Variants in SIL1 observed in about 807,000 individuals in gnomAD.
SIL1 encodes the protein nucleotide exchange factor SIL1.
A neutral mutation model predicts 49.1 loss-of-function variants in SIL1; 40 were observed. That is an observed-to-expected ratio of 0.81 (90% CI 0.63 to 1.06). The LOEUF (loss-of-function observed/expected upper bound fraction) is 1.06. Ranked by LOEUF, SIL1 falls within the 50% of genes least tolerant of loss-of-function variation. The pLI, the probability that SIL1 is intolerant of heterozygous loss-of-function variation, is 0.00. For missense variants in SIL1, 500 were observed against 572.6 expected (o/e 0.87, Z 1.29); for synonymous variants, 253 against 250.8 (o/e 1.01, Z -0.08).
In SIL1 at chr5:138,947,119, A is replaced by G; in HGVS notation, c.1384T>C (p.Ter462ArgextTer?). 6.2e-7 allele frequency: 1 copy of G among 1,612,238 alleles called. No individual in the cohort carries two copies. Among genetic ancestry groups the G allele is most frequent in the Non-Finnish European group, 8.5e-7 (1 of 1,179,060 alleles). The change falls in exon 10 of 10, where the codon TGA (stop) becomes CGA (arginine). Residue 462 changes from the stop codon to arginine (R), a stop_lost. Transcript: ENST00000394817. This position sits in a 1 kb window ranked among gnomAD's most constrained non-coding sequence, Gnocchi z 4.1. ...SVNSLLKELR[*>R] is the part of the protein sequence containing the mutation. ...CAGTCCAGTCCTGGTGTGGGGCCTC[A>G]TCTCAGCTCCTTCAGCAAGCTGTTG...
At chr5:139,074,671 A>G (rs1769905497) in intron 3 of SIL1, among the ~76,000 whole-genome samples, 2 of 152,174 alleles carry the variant, frequency 1.3e-5, no homozygotes, top group African/African-American at 4.8e-5. Context: ...AGCCAGAGTG[A>G]AAGAGAATGT....
At chr5:139,171,076 T>TG (rs1253503666) in intron 1 of SIL1, among the ~76,000 whole-genome samples, 18 of 132,734 alleles carry the variant, frequency 1.4e-4, no homozygotes, top group East Asian at 9.4e-4. Flanking sequence ...GGGAGGGAGG[T>TG]GGGGGGGTCA....
chr5:139,124,987 G>A (rs1750725325), intron 2 of SIL1, among the ~76,000 whole-genome samples: 1 of 152,210 alleles, frequency 6.6e-6, no homozygotes, highest in South Asian at 2.1e-4. Flanking sequence ...CTAATAAGTT[G>A]TGCCCTGAGA....
intron 3 of SIL1, among the ~76,000 whole-genome samples, chr5:139,081,906 C>T (rs967209556): frequency 6.6e-6 from 1 of 150,972 alleles, no homozygotes; most frequent in Admixed American, 6.6e-5. Context: ...AAAACAAAAA[C>T]ACACTGAGAC....
intron 1 of SIL1, among the ~76,000 whole-genome samples, chr5:139,188,302 AC>A (rs1319943004): frequency 6.6e-6 from 1 of 152,230 alleles, no homozygotes; most frequent in Non-Finnish European, 1.5e-5. Context: ...AGGGGAAGCA[AC>A]AAAACTAGGT....
At chr5:138,975,200 G>C (rs1767369701) in intron 7 of SIL1, among the ~76,000 whole-genome samples, 2 of 152,152 alleles carry the variant, frequency 1.3e-5, no homozygotes, top group Admixed American at 6.5e-5. Flanking sequence ...AAGCCTATAG[G>C]AAGGGGCTGG....
At chr5:139,052,646 T>C (rs976729793) in intron 3 of SIL1, among the ~76,000 whole-genome samples, 1 of 151,982 alleles carries the variant, frequency 6.6e-6, no homozygotes, top group Non-Finnish European at 1.5e-5. Flanking sequence ...ATCACGCCAC[T>C]GCACTCCAGC....
intron 7 of SIL1, among the ~76,000 whole-genome samples, chr5:138,992,874 A>G (rs1009600364): frequency 6.6e-6 from 1 of 152,086 alleles, no homozygotes; most frequent in African/African-American, 2.4e-5. Context: ...GAAAAAAGTA[A>G]AATTTAGAAA....
At chr5:139,016,349 G>C (rs1442348762) in intron 7 of SIL1, among the ~76,000 whole-genome samples, 1 of 152,200 alleles carries the variant, frequency 6.6e-6, no homozygotes, top group Non-Finnish European at 1.5e-5. Context: ...TCTTGAGTTT[G>C]AGGTGCGATG....
chr5:139,032,366 C>G (rs923226709), intron 5 of SIL1, among the ~76,000 whole-genome samples: 5 of 152,142 alleles, frequency 3.3e-5, no homozygotes, highest in Admixed American at 1.3e-4. Flanking sequence ...TTGGGTTATA[C>G]TGATTATTTT....
At chr5:139,045,217 C>A (rs1376597083) in intron 4 of SIL1, among the ~76,000 whole-genome samples, 1 of 152,020 alleles carries the variant, frequency 6.6e-6, no homozygotes, top group Admixed American at 6.6e-5. Context: ...ATTAGCCAGG[C>A]AAGGTGGTGT....
At chr5:139,170,762 G>A (rs1309666751) in intron 1 of SIL1, among the ~76,000 whole-genome samples, 18 of 150,962 alleles carry the variant, frequency 1.2e-4, no homozygotes, top group African/African-American at 3.7e-4. Context: ...CAGCCACCCC[G>A]TCCGGAAGGG....
chr5:139,066,991 A>G (rs1156462255), intron 3 of SIL1, among the ~76,000 whole-genome samples: 5 of 152,222 alleles, frequency 3.3e-5, no homozygotes, highest in South Asian at 2.1e-4. Flanking sequence ...GTTTTCCCCA[A>G]TAGATTGTAT....
chr5:138,955,861 A>G (rs1018043916), intron 7 of SIL1, among the ~76,000 whole-genome samples: 1 of 152,262 alleles, frequency 6.6e-6, no homozygotes, highest in African/African-American at 2.4e-5. Context: ...ATCCTGCTCC[A>G]GGGTCAACCA....
chr5:139,069,419 C>G (rs2150471728), intron 3 of SIL1, among the ~76,000 whole-genome samples: 1 of 151,654 alleles, frequency 6.6e-6, no homozygotes. Context: ...TTGGAAAAAC[C>G]AAACAGAAAT....
intron 1 of SIL1, among the ~76,000 whole-genome samples, chr5:139,181,206 T>C (rs1384232092): frequency 6.6e-6 from 1 of 152,214 alleles, no homozygotes; most frequent in Non-Finnish European, 1.5e-5. Flanking sequence ...TGACTCTTAA[T>C]GTTACATCCA....
chr5:139,124,555 T>G (rs180695700), intron 2 of SIL1, among the ~76,000 whole-genome samples: 1 of 152,338 alleles, frequency 6.6e-6, no homozygotes, highest in African/African-American at 2.4e-5. Context: ...TAAAAGTCTT[T>G]AGATGCTTTG....
In SIL1 at chr5:139,028,593, A is replaced by G. The variant is rs1768715771; in HGVS notation, c.454-1601T>C. Among the ~76,000 whole-genome samples the G allele has an allele frequency of 2.6e-5, 4 of 152,366 alleles. No individual in the cohort carries two copies. In the South Asian group the frequency reaches 8.3e-4, roughly 32 times the overall value. ...AAATTCCCAAGAAATAACAAAAAAT[A>G]GTACAGAGAGTGTCATGTACCCTTC... On this transcript the variant is annotated intron_variant, in intron 5 of 9. Coordinates refer to ENST00000394817, the MANE Select transcript of SIL1 (RefSeq NM_022464.5).
intron 7 of SIL1, among the ~76,000 whole-genome samples, chr5:139,009,927 G>A (rs1325374168): frequency 6.6e-6 from 1 of 151,480 alleles, no homozygotes; most frequent in African/African-American, 2.4e-5. Context: ...TGGTGAATCT[G>A]ACAATTATGT....
Sources: gnomAD v4.1 joint callset for allele counts (sites outside exome capture counted in the v4.1 genomes callset) on GRCh38, gnomAD v4.1.1 for gene constraint, Gnocchi (gnomAD v3.1) non-coding constraint, MANE v1.5 for transcripts, NCBI Gene and HGNC (gene_info 2026-07-23, HGNC 2026-07-21) for gene names.